The following BTRC variants were observed in gnomAD, a reference collection of about 807,000 sequenced individuals.
BTRC encodes F-box/WD repeat-containing protein 1A.
In BTRC, 42 loss-of-function variants were observed where a neutral mutation model predicts 85.5. The observed-to-expected ratio is 0.49, with a 90% confidence interval of 0.38 to 0.64. BTRC has a LOEUF of 0.64. BTRC is among the 30% of genes least tolerant of loss of function. The probability of loss-of-function intolerance (pLI) is 0.00; values close to 1 mark genes in which losing one functional copy is unlikely to be tolerated. For synonymous variants in BTRC, 255 were observed against 263.3 expected (o/e 0.97, Z 0.30); for missense variants, 594 against 743.5 (o/e 0.80, Z 2.34).
chr10:101,374,927 A>G (rs573960843), intron 1 of BTRC, among the ~76,000 whole-genome samples: 3 of 152,294 alleles, frequency 2.0e-5, no homozygotes, highest in East Asian at 1.9e-4. Flanking sequence ...ACCGCTGTCT[A>G]TTGGGAACAC....
chr10:101,470,650 A>T (rs1470668504), intron 3 of BTRC, among the ~76,000 whole-genome samples: 1 of 152,020 alleles, frequency 6.6e-6, no homozygotes, highest in Non-Finnish European at 1.5e-5. Flanking sequence ...TTTAGAAGGG[A>T]TACTTCCTTT....
chr10:101,510,037 A>C (rs1350912188), intron 4 of BTRC, among the ~76,000 whole-genome samples: 1 of 151,882 alleles, frequency 6.6e-6, no homozygotes, highest in Non-Finnish European at 1.5e-5. Context: ...GTGGTGTTAC[A>C]TGTCTGTAAT....
intron 2 of BTRC, among the ~76,000 whole-genome samples, chr10:101,454,812 T>A (rs1945033445): frequency 6.6e-6 from 1 of 152,136 alleles, no homozygotes; most frequent in Admixed American, 6.5e-5. Flanking sequence ...CCCCGAAATT[T>A]CAAGATCATA....
intron 1 of BTRC, among the ~76,000 whole-genome samples, chr10:101,366,930 A>ATATAAATATATATT: frequency 6.5e-5 from 1 of 15,496 alleles, no homozygotes; most frequent in South Asian, 1.2e-3. Flanking sequence ...ATATATATTT[A>ATATAAATATATATT]TATATATTTA....
intron 1 of BTRC, among the ~76,000 whole-genome samples, chr10:101,401,095 T>C (rs1280687725): frequency 2.6e-5 from 4 of 152,226 alleles, no homozygotes; most frequent in Non-Finnish European, 5.9e-5. Flanking sequence ...TAAAAGAATT[T>C]GGACAGTCCC....
intron 1 of BTRC, among the ~76,000 whole-genome samples, chr10:101,361,685 A>G (rs190508269): frequency 1.4e-4 from 21 of 152,330 alleles, no homozygotes; most frequent in African/African-American, 4.8e-4. Context: ...GAATAGTCTG[A>G]GGCTTATTCC....
In BTRC at chr10:101,532,282, T is replaced by C; in HGVS notation, c.841-13T>C. 6.2e-7 allele frequency: 1 copy of C among 1,603,536 alleles called. No individual in the cohort carries two copies. The highest frequency in any genetic ancestry group is 8.5e-7 in the Non-Finnish European group (1 of 1,176,232). Reference sequence around the variant, plus strand: ...TTTCCTAACACTGCCTCTTTCCCATTCCTTCTTCTCAGACAATAGAATCTA... The same window carrying C: ...TTTCCTAACACTGCCTCTTTCCCATCCCTTCTTCTCAGACAATAGAATCTA... On this transcript the variant is annotated splice_polypyrimidine_tract_variant and intron_variant, in intron 7 of 14. Coordinates refer to ENST00000370187, the MANE Select transcript of BTRC (RefSeq NM_033637.4).
At chr10:101,495,874 A>G (rs1246510440) in intron 4 of BTRC, among the ~76,000 whole-genome samples, 3 of 142,998 alleles carry the variant, frequency 2.1e-5, no homozygotes, top group African/African-American at 7.3e-5. Context: ...AAGAGAAATG[A>G]AAAGACCATT....
chr10:101,511,480 G>C (rs1003455791), intron 4 of BTRC, among the ~76,000 whole-genome samples: 2 of 152,110 alleles, frequency 1.3e-5, no homozygotes, highest in Non-Finnish European at 2.9e-5. Context: ...TCGTGCCTCA[G>C]ACTCCCAAGT....
chr10:101,434,993 C>G (rs1209050824), intron 2 of BTRC, among the ~76,000 whole-genome samples: 1 of 151,466 alleles, frequency 6.6e-6, no homozygotes, highest in Non-Finnish European at 1.5e-5. Flanking sequence ...CTGGTTTTAC[C>G]CTATCAATTC....
At chr10:101,543,214 G>T (rs2062498343) in intron 13 of BTRC, among the ~76,000 whole-genome samples, 2 of 152,186 alleles carry the variant, frequency 1.3e-5, no homozygotes, top group African/African-American at 2.4e-5. Context: ...TTGGGTACCT[G>T]CGTGCTTAGG....
intron 1 of BTRC, among the ~76,000 whole-genome samples, chr10:101,417,180 A>T (rs1943968523): frequency 6.6e-6 from 1 of 152,186 alleles, no homozygotes. Flanking sequence ...TAATCCACAG[A>T]TCCCATTCAA....
chr10:101,459,747 C>CTCACA (rs1438616907), intron 2 of BTRC, among the ~76,000 whole-genome samples: 1 of 152,132 alleles, frequency 6.6e-6, no homozygotes, highest in Non-Finnish European at 1.5e-5. Flanking sequence ...ATTCTTTAGA[C>CTCACA]ATTTTCATAA....
At chr10:101,477,125 C>T (rs894223237) in intron 3 of BTRC, among the ~76,000 whole-genome samples, 1 of 152,118 alleles carries the variant, frequency 6.6e-6, no homozygotes, top group South Asian at 2.1e-4. Context: ...TACAGGCATG[C>T]ACCACCACGC....
intron 1 of BTRC, among the ~76,000 whole-genome samples, chr10:101,401,837 C>CAAAAAAAA (rs766212284): frequency 1.9e-5 from 1 of 52,166 alleles, no homozygotes; most frequent in Non-Finnish European, 4.0e-5. Context: ...GACCTCATCT[C>CAAAAAAAA]AAAAAAAAAA....
At chr10:101,482,926 A>G (rs1417854003) in intron 4 of BTRC, among the ~76,000 whole-genome samples, 2 of 152,180 alleles carry the variant, frequency 1.3e-5, no homozygotes, top group Non-Finnish European at 2.9e-5. Flanking sequence ...TTTCCATGTG[A>G]GAACAACTGT....
chr10:101,428,340 A>G (rs554799254), intron 1 of BTRC, among the ~76,000 whole-genome samples: 3 of 152,358 alleles, frequency 2.0e-5, no homozygotes, highest in Admixed American at 1.3e-4. Context: ...ATATCTCATC[A>G]TGAATTATTG....
chr10:101,489,249 ACT>A (rs930010544), intron 4 of BTRC, among the ~76,000 whole-genome samples: 52 of 151,672 alleles, frequency 3.4e-4, no homozygotes, highest in African/African-American at 1.2e-3. Flanking sequence ...CCCCCAGACA[ACT>A]CTTTTTTTTT....
chr10:101,389,129 T>G (rs1943168812), intron 1 of BTRC, among the ~76,000 whole-genome samples: 3 of 136,030 alleles, frequency 2.2e-5, no homozygotes, highest in South Asian at 2.5e-4. Context: ...GTTTTTTTTT[T>G]TTTTTTTTTT....
Sources: gnomAD v4.1 joint callset for allele counts (sites outside exome capture counted in the v4.1 genomes callset) on GRCh38, gnomAD v4.1.1 for gene constraint, MANE v1.5 for transcripts, NCBI Gene and HGNC (gene_info 2026-07-23, HGNC 2026-07-21) for gene names.